RALGAPA1: variants seen among roughly 807,000 people sequenced by gnomAD.
The protein encoded by RALGAPA1 is Ral GTPase activating protein catalytic subunit alpha 1.
RALGAPA1 carries 52 observed loss-of-function variants against 269.6 expected under a neutral mutation model. That is an observed-to-expected ratio of 0.19 (90% CI 0.15 to 0.24). RALGAPA1 has a LOEUF of 0.24. Among genes scored for constraint, RALGAPA1 ranks in the 10% least tolerant of loss-of-function variants. The pLI is 1.00. For missense variants in RALGAPA1, 1,917 were observed against 3,013.9 expected (o/e 0.64, Z 8.52); for synonymous variants, 817 against 1,008.3 (o/e 0.81, Z 3.60).
At chr14:35,617,903 T>C (rs1048984566) in intron 35 of RALGAPA1, among the ~76,000 whole-genome samples, 8 of 151,510 alleles carry the variant, frequency 5.3e-5, no homozygotes, top group Non-Finnish European at 1.2e-4. Context: ...AAAACTAAAA[T>C]GAAAAAGAAA....
chr14:35,674,497 T>G lies in RALGAPA1; in HGVS notation c.4818+19A>C. 1 of 1,586,174 alleles carries G rather than the reference T, an allele frequency of 6.3e-7. No homozygotes were observed. The highest frequency in any genetic ancestry group is 8.6e-7 in the Non-Finnish European group (1 of 1,164,262). The stretch of plus-strand genomic sequence containing the variant: ...ATTTTTATTTTCTTCTCCACTTATA[T>G]CCGCTATTTCTTTTTTACCTTAGCT... On this transcript the variant is annotated intron_variant, in intron 23 of 41. Transcript: ENST00000680220.
chr14:35,581,155 C>T (rs549788545), intron 37 of RALGAPA1, among the ~76,000 whole-genome samples: 2 of 152,176 alleles, frequency 1.3e-5, no homozygotes, highest in East Asian at 1.9e-4. Flanking sequence ...AGACAACTGG[C>T]TTCTACGATT....
At chr14:35,694,339 C>T (rs1595173163) in intron 17 of RALGAPA1, among the ~76,000 whole-genome samples, 1 of 152,006 alleles carries the variant, frequency 6.6e-6, no homozygotes, top group South Asian at 2.1e-4. Context: ...GAAATTGATG[C>T]CATTTTGAAA....
chr14:35,711,380 C>A lies in RALGAPA1; in HGVS notation c.2266+10308G>T, dbSNP rs539816323. Among the ~76,000 whole-genome samples the A allele has an allele frequency of 3.3e-5, 5 of 152,224 alleles. No homozygotes were observed. The East Asian group carries it at 9.6e-4, about 29-fold the overall frequency. On this transcript the variant is annotated intron_variant, in intron 16 of 41. Coordinates refer to ENST00000680220, the MANE Select transcript of RALGAPA1 (RefSeq NM_001346249.2). ...CTCCCCTCCTAGCATATGAATTACA[C>A]TACATTTTAAAAAAACCTTTTTTAG...
At chr14:35,687,439 C>T (rs1175267462) in intron 18 of RALGAPA1, among the ~76,000 whole-genome samples, 2 of 152,262 alleles carry the variant, frequency 1.3e-5, no homozygotes, top group African/African-American at 2.4e-5. Flanking sequence ...AAAAAACACA[C>T]TGGTCAGAAG....
chr14:35,704,747 A>G (rs1381300355), intron 16 of RALGAPA1, among the ~76,000 whole-genome samples: 1 of 152,088 alleles, frequency 6.6e-6, no homozygotes, highest in African/African-American at 2.4e-5. Flanking sequence ...GTATCACTCT[A>G]TCAGGTAATT....
At chr14:35,570,595 C>A in intron 39 of RALGAPA1, 22 bp downstream of exon 39, 1 of 1,581,892 alleles carries the variant, frequency 6.3e-7, no homozygotes, top group Non-Finnish European at 8.6e-7. Flanking sequence ...GAGTAGAAAC[C>A]ATTACATTAA....
Position 35,672,850 on chromosome 14 carries a change from CAT to C in RALGAPA1, c.5073+15_5073+16del, listed in dbSNP as rs761783785. The stretch of plus-strand genomic sequence containing the variant: ...GATATAAACTACTTCTTAGATGATA[CAT>C]ATATATATAGTTACCTGGTCAATAT... On this transcript the variant is annotated intron_variant, in intron 25 of 41. Coordinates refer to ENST00000680220, the MANE Select transcript of RALGAPA1 (RefSeq NM_001346249.2). 38 of 1,484,936 alleles carry C rather than the reference CAT, an allele frequency of 2.6e-5. No individual in the cohort carries two copies. Among genetic ancestry groups the C allele is most frequent in the South Asian group, 1.2e-4 (9 of 74,786 alleles). The allele number at this position is 1,484,936 out of a possible 1,614,324, so 92.0% of individuals were successfully genotyped here. A position where few individuals can be genotyped will look rare whatever the true frequency, so the allele number is the denominator to read the frequency against.
At chr14:35,781,463 T>C (rs569087797) in intron 1 of RALGAPA1, among the ~76,000 whole-genome samples, 1 of 152,316 alleles carries the variant, frequency 6.6e-6, no homozygotes, top group African/African-American at 2.4e-5. Flanking sequence ...ACTCATTCTA[T>C]GAGGCCAATA....
intron 10 of RALGAPA1, among the ~76,000 whole-genome samples, chr14:35,744,480 T>C (rs917892604): frequency 2.6e-5 from 4 of 152,132 alleles, no homozygotes; most frequent in Admixed American, 1.3e-4. Context: ...TCTGCCACTT[T>C]CTATTATAGA....
rs748800460 is a variant in RALGAPA1, at chr14:35,627,552, G to A, written c.6395C>T (p.Thr2132Ile). ...PPPVSGLSEP[T>I]SFMLSLSHQE... is the part of the protein sequence containing the mutation. ...GTGAGACAATGAAAGCATGAAAGAT[G>A]TAGGTTCTGACAAGCCACTTACAGG... The change falls in exon 34 of 42, where the codon ACA becomes ATA. Residue 2132 changes from threonine to isoleucine, a missense_variant. Thr to Ile is a moderately conservative substitution (Grantham distance 89). Around this residue, in one of 11 missense-constraint regions of RALGAPA1, gnomAD observed 346 missense variants for 566.1 expected, o/e 0.61. Coordinates refer to ENST00000680220, the MANE Select transcript of RALGAPA1 (RefSeq NM_001346249.2). 31 of 1,582,262 alleles carry A rather than the reference G, an allele frequency of 2.0e-5. No individual in the cohort carries two copies. Among genetic ancestry groups the A allele is most frequent in the African/African-American group, 9.5e-5 (7 of 73,650 alleles).
chr14:35,733,339 T>C (rs2070683085), intron 12 of RALGAPA1, among the ~76,000 whole-genome samples: 1 of 151,992 alleles, frequency 6.6e-6, no homozygotes, highest in South Asian at 2.1e-4. Flanking sequence ...TAGCCAGGCA[T>C]GGTGGTGCAT....
chr14:35,564,646 T>C (rs556817879), intron 39 of RALGAPA1: 1 of 152,310 alleles, frequency 6.6e-6, no homozygotes, highest in Non-Finnish European at 1.5e-5. Flanking sequence ...CGATACTAGT[T>C]GTGGTAGGAA....
At chr14:35,777,617 T>C (rs2075131377) in intron 1 of RALGAPA1, among the ~76,000 whole-genome samples, 1 of 152,094 alleles carries the variant, frequency 6.6e-6, no homozygotes. Context: ...GGCTGTAGTG[T>C]AGTGGTACAA....
intron 37 of RALGAPA1, among the ~76,000 whole-genome samples, chr14:35,585,115 A>G (rs1466068669): frequency 6.6e-6 from 1 of 152,222 alleles, no homozygotes; most frequent in Non-Finnish European, 1.5e-5. Context: ...TCAATACTAG[A>G]AGATGACATA....
intron 36 of RALGAPA1, 131 bp from the exon 37 acceptor site, chr14:35,595,920 T>A: frequency 1.5e-6 from 1 of 663,056 alleles, no homozygotes; most frequent in Non-Finnish European, 2.5e-6. Context: ...CAATATTTAA[T>A]CTAGAATTGT....
At position 35,688,351 on chromosome 14, in the gene RALGAPA1, C is replaced by G. The variant is rs1417904295; in HGVS notation, c.3952+108G>C. Reference sequence around the variant, plus strand: ...CATGCATAACCAAACAGAGAGAAAGCAGTGACCATCCCAAAGCTTTTTGAT... The same window carrying G: ...CATGCATAACCAAACAGAGAGAAAGGAGTGACCATCCCAAAGCTTTTTGAT... On this transcript the variant is annotated intron_variant, in intron 18 of 41. Transcript: ENST00000680220. 31 of 1,235,444 alleles carry G rather than the reference C, an allele frequency of 2.5e-5. 1 individual carries two copies. Among genetic ancestry groups the G allele is most frequent in the Non-Finnish European group, 3.3e-5 (29 of 882,718 alleles). The allele number at this position is 1,235,444 out of a possible 1,614,324, so 76.5% of individuals were successfully genotyped here. A position where few individuals can be genotyped will look rare whatever the true frequency, so the allele number is the denominator to read the frequency against.
chr14:35,612,370 C>CAAAA (rs1010725263), intron 35 of RALGAPA1, among the ~76,000 whole-genome samples: 13 of 63,252 alleles, frequency 2.1e-4, no homozygotes, highest in African/African-American at 2.7e-4. Flanking sequence ...AACTCTGTTT[C>CAAAA]AAAAAAAAAA....
At chr14:35,720,258 C>T (rs1265616591) in intron 16 of RALGAPA1, among the ~76,000 whole-genome samples, 1 of 151,998 alleles carries the variant, frequency 6.6e-6, no homozygotes, top group Non-Finnish European at 1.5e-5. Flanking sequence ...TAATGTAATT[C>T]TATGCTTATT....
Sources: allele counts gnomAD v4.1 joint callset (sites outside exome capture counted in the v4.1 genomes callset), GRCh38; gene constraint gnomAD v4.1.1; regional missense constraint gnomAD v4.1.1; transcripts MANE v1.5; gene names NCBI Gene and HGNC (gene_info 2026-07-23, HGNC 2026-07-21).